TMEM178B: variants seen among roughly 807,000 people sequenced by gnomAD.
The protein encoded by TMEM178B is transmembrane protein 178B.
TMEM178B carries 5 observed loss-of-function variants against 31.0 expected under a neutral mutation model. The ratio of observed to expected loss-of-function variants is 0.16; its 90% CI spans 0.08 to 0.34. The LOEUF (loss-of-function observed/expected upper bound fraction) is 0.34. TMEM178B is among the 10% of genes least tolerant of loss of function. The pLI is 1.00. For synonymous variants in TMEM178B, 164 were observed against 164.0 expected (o/e 1.00, Z 0.00); for missense variants, 275 against 400.3 (o/e 0.69, Z 2.67).
At chr7:141,315,707 GC>G (rs771506634) in intron 2 of TMEM178B, among the ~76,000 whole-genome samples, 2 of 152,282 alleles carry the variant, frequency 1.3e-5, no homozygotes, top group African/African-American at 2.4e-5. Context: ...GAAGGCAAGA[GC>G]CTTCCACTTA....
chr7:141,217,657 G>A (rs1797181555), intron 2 of TMEM178B, among the ~76,000 whole-genome samples: 1 of 152,178 alleles, frequency 6.6e-6, no homozygotes. Context: ...CCCATTGGAA[G>A]GTATTAGAAG....
chr7:141,127,531 T>G (rs541004394), intron 1 of TMEM178B, among the ~76,000 whole-genome samples: 35 of 152,092 alleles, frequency 2.3e-4, no homozygotes, highest in African/African-American at 8.4e-4. Context: ...TAGGCAGAGA[T>G]TGGGATGTTG....
chr7:141,378,581 G>A (rs899921201), intron 2 of TMEM178B, among the ~76,000 whole-genome samples: 2 of 152,196 alleles, frequency 1.3e-5, no homozygotes. Flanking sequence ...CTGAGGGAGA[G>A]GCTCCTAAGC....
chr7:141,104,644 C>G (rs1270270342), intron 1 of TMEM178B, among the ~76,000 whole-genome samples: 1 of 152,110 alleles, frequency 6.6e-6, no homozygotes, highest in Non-Finnish European at 1.5e-5. Context: ...GGCTTAAACA[C>G]AAAAATGTAT....
At chr7:141,250,238 G>T (rs1159136410) in intron 2 of TMEM178B, among the ~76,000 whole-genome samples, 1 of 152,168 alleles carries the variant, frequency 6.6e-6, no homozygotes, top group Non-Finnish European at 1.5e-5. Flanking sequence ...CAGTGAGCTT[G>T]CAGATCACCT....
chr7:141,227,889 T>C (rs983378060), intron 2 of TMEM178B, among the ~76,000 whole-genome samples: 1 of 152,186 alleles, frequency 6.6e-6, no homozygotes, highest in African/African-American at 2.4e-5. Flanking sequence ...ACTGTCTTTA[T>C]CTCCAGGAAG....
chr7:141,211,430 G>C (rs1176029974), intron 1 of TMEM178B, among the ~76,000 whole-genome samples: 1 of 152,226 alleles, frequency 6.6e-6, no homozygotes, highest in African/African-American at 2.4e-5. Context: ...CCTGCTGACA[G>C]TGGGCTAGGG....
chr7:141,085,809 GA>G (rs1183085225), intron 1 of TMEM178B, among the ~76,000 whole-genome samples: 2 of 152,032 alleles, frequency 1.3e-5, no homozygotes, highest in African/African-American at 4.8e-5. Context: ...CACAACACTG[GA>G]GAGAGATGAG....
intron 1 of TMEM178B, among the ~76,000 whole-genome samples, chr7:141,154,279 GAGATC>G (rs1396303524): frequency 6.6e-6 from 1 of 152,222 alleles, no homozygotes; most frequent in East Asian, 1.9e-4. Context: ...GTATTACCAA[GAGATC>G]AGACAGTAAA....
chr7:141,303,639 C>A (rs1798765453), intron 2 of TMEM178B, among the ~76,000 whole-genome samples: 1 of 152,174 alleles, frequency 6.6e-6, no homozygotes, highest in Admixed American at 6.5e-5. Flanking sequence ...CACGTGCAAC[C>A]AGGTTTTGGT....
At chr7:141,202,466 A>C (rs1195433372) in intron 1 of TMEM178B, among the ~76,000 whole-genome samples, 2 of 152,226 alleles carry the variant, frequency 1.3e-5, no homozygotes, top group Admixed American at 6.5e-5. Context: ...GTAACATAGA[A>C]TGGAAAGAAA....
chr7:141,136,663 A>T (rs764353545), intron 1 of TMEM178B, among the ~76,000 whole-genome samples: 2 of 152,154 alleles, frequency 1.3e-5, no homozygotes, highest in Non-Finnish European at 2.9e-5. Flanking sequence ...AGGAACTCAA[A>T]CAACTCAACA....
At chr7:141,241,397 G>A (rs2129193471) in intron 2 of TMEM178B, among the ~76,000 whole-genome samples, 1 of 152,000 alleles carries the variant, frequency 6.6e-6, no homozygotes, top group African/African-American at 2.4e-5. Flanking sequence ...CTCAAGACCA[G>A]CCTGGCCAAC....
chr7:141,260,329 A>G (rs889499941), intron 2 of TMEM178B, among the ~76,000 whole-genome samples: 3 of 152,246 alleles, frequency 2.0e-5, no homozygotes, highest in African/African-American at 7.2e-5. Flanking sequence ...CTCCTAAGCT[A>G]AAACCCAGCA....
At chr7:141,502,423 G>C in the TMEM178B span, among the ~76,000 whole-genome samples, 1 of 152,100 alleles carries the variant, frequency 6.6e-6, no homozygotes, top group Non-Finnish European at 1.5e-5. Context: ...AAATCCGAGG[G>C]AACTCTAAAG....
intron 1 of TMEM178B, among the ~76,000 whole-genome samples, chr7:141,190,503 G>T (rs1022075333): frequency 6.6e-6 from 1 of 150,594 alleles, no homozygotes; most frequent in African/African-American, 2.4e-5. Context: ...TAGAGATGAA[G>T]GCTCTCTATG....
chr7:141,440,515 GTT>G (rs796495645), intron 3 of TMEM178B, among the ~76,000 whole-genome samples: 3 of 143,864 alleles, frequency 2.1e-5, no homozygotes. Context: ...GACCTCTCAT[GTT>G]TTTTTTTTTT....
At chr7:141,153,624 T>G (rs1310478251) in intron 1 of TMEM178B, among the ~76,000 whole-genome samples, 1 of 152,224 alleles carries the variant, frequency 6.6e-6, no homozygotes, top group Non-Finnish European at 1.5e-5. Context: ...CTGCTGACAG[T>G]GAGTATTTCA....
intron 2 of TMEM178B, among the ~76,000 whole-genome samples, chr7:141,229,552 A>G (rs1453892049): frequency 6.6e-6 from 1 of 152,178 alleles, no homozygotes; most frequent in Non-Finnish European, 1.5e-5. Flanking sequence ...AAGATGAAAC[A>G]TAATTATTAT....
Sources: gnomAD v4.1 joint callset for allele counts (sites outside exome capture counted in the v4.1 genomes callset) on GRCh38, gnomAD v4.1.1 for gene constraint, MANE v1.5 for transcripts, NCBI Gene and HGNC (gene_info 2026-07-23, HGNC 2026-07-21) for gene names.